Variants in ABLIM2 observed in about 807,000 individuals in gnomAD.
The protein encoded by ABLIM2 is actin binding LIM protein family member 2, also known as actin-binding LIM protein 2.
Under a neutral mutation model 97.7 loss-of-function variants are expected in ABLIM2, and 53 were observed. The observed-to-expected ratio is 0.54, with a 90% CI of 0.44 to 0.68. The LOEUF is 0.68. Among genes scored for constraint, ABLIM2 ranks in the 30% least tolerant of loss-of-function variants. The probability of loss-of-function intolerance (pLI) is 0.00; values close to 1 mark genes in which losing one functional copy is unlikely to be tolerated. For missense variants in ABLIM2, 835 were observed against 867.2 expected, an observed-to-expected ratio of 0.96 and a Z score of 0.47; for synonymous variants, 361 against 345.8, an observed-to-expected ratio of 1.04 and a Z score of -0.49.
At chr4:7,991,620 T>A (rs1026003703) in intron 17 of ABLIM2, among the ~76,000 whole-genome samples, 3 of 152,178 alleles carry the variant, frequency 2.0e-5, no homozygotes, top group African/African-American at 7.2e-5. Context: ...AATGGAGAAT[T>A]CCCTTGGAGA....
intron 17 of ABLIM2, 81 bp from the exon 18 acceptor site, chr4:7,984,974 C>CTCCAAGGGGCCACAT: frequency 6.8e-7 from 1 of 1,465,006 alleles, no homozygotes; most frequent in Non-Finnish European, 9.3e-7. Flanking sequence ...GAGATGTGGC[C>CTCCAAGGGGCCACAT]CCTTGGAGGC....
Position 8,085,449 on chromosome 4 carries a change from C to A in ABLIM2, c.454+2720G>T, listed in dbSNP as rs1822831700. ...CAGTGCCATTCCCATTCCCCGCCCC[C>A]ACGCTGCAGCCCCGTCCACTCACAC... On this transcript the variant is annotated intron_variant, in intron 4 of 20. Coordinates refer to ENST00000447017, the MANE Select transcript of ABLIM2 (RefSeq NM_001130083.2). The surrounding 1 kb of genome is among the most constrained non-coding windows in gnomAD (Gnocchi z 6.1). 6.6e-6 allele frequency among the ~76,000 whole-genome samples: 1 copy of A among 152,172 alleles called. No homozygotes were observed. Among genetic ancestry groups the A allele is most frequent in the Non-Finnish European group, 1.5e-5 (1 of 68,040 alleles).
Position 8,020,191 on chromosome 4 carries a change from C to T in ABLIM2, c.1369+11G>A. 1 of 1,610,656 alleles carries T rather than the reference C, an allele frequency of 6.2e-7. No homozygotes were observed. Among genetic ancestry groups the T allele is most frequent in the Non-Finnish European group, 8.5e-7 (1 of 1,178,196 alleles). ...GTGTAAGGAGCCCAGCCAGCGTGTC[C>T]CGGAGCCTACCTGGGACGTGGAAGT... On this transcript the variant is annotated intron_variant, in intron 13 of 20. Coordinates refer to ENST00000447017, the MANE Select transcript of ABLIM2 (RefSeq NM_001130083.2).
chr4:8,088,982 C>T (rs1825587703), intron 3 of ABLIM2, among the ~76,000 whole-genome samples: 1 of 152,234 alleles, frequency 6.6e-6, no homozygotes, highest in Admixed American at 6.5e-5. Flanking sequence ...CAGGAAGATG[C>T]TGGACAATCG....
Position 8,147,673 on chromosome 4 carries a change from C to T in ABLIM2, c.10+11007G>A, listed in dbSNP as rs537126607. Reference sequence around the variant, plus strand: ...CACAAACCTCAGAATCTGGCAGCCACCAAAGCTGCAGGGGTGAGGACTGAG... The same window carrying T: ...CACAAACCTCAGAATCTGGCAGCCATCAAAGCTGCAGGGGTGAGGACTGAG... On this transcript the variant is annotated intron_variant, in intron 1 of 20. Coordinates refer to ENST00000447017, the MANE Select transcript of ABLIM2 (RefSeq NM_001130083.2). This position sits in a 1 kb window ranked among gnomAD's most constrained non-coding sequence, Gnocchi z 5.3. 2.6e-5 allele frequency among the ~76,000 whole-genome samples: 4 copies of T among 152,338 alleles called. No homozygotes were observed. In the South Asian group the frequency reaches 8.3e-4, roughly 32 times the overall value.
In ABLIM2 at chr4:8,157,619, C is replaced by T. The variant is rs557320149; in HGVS notation, c.10+1061G>A. Among the ~76,000 whole-genome samples, 4 of 152,360 alleles carry T rather than the reference C, an allele frequency of 2.6e-5. No homozygotes were observed. The East Asian group carries it at 5.8e-4, about 22-fold the overall frequency. ...TTCTAGGCCTACAGCCCACAGGAAG[C>T]TCTTACTAAATTCACATTCTCTCCC... On this transcript the variant is annotated intron_variant, in intron 1 of 20. Transcript: ENST00000447017.
At chr4:7,989,385 G>T (rs1262526579) in intron 17 of ABLIM2, 2 of 984,750 alleles carry the variant, frequency 2.0e-6, no homozygotes, top group Non-Finnish European at 1.2e-6. Flanking sequence ...GGCCCCATTT[G>T]TTTTATTTCA....
chr4:8,008,263 C>T (rs1191579543), intron 15 of ABLIM2, 63 bp from the exon 16 acceptor site: 10 of 1,506,116 alleles, frequency 6.6e-6, no homozygotes, highest in Non-Finnish European at 8.2e-6. Flanking sequence ...GAACATCTCA[C>T]TGGACCCTTC....
intron 2 of ABLIM2, among the ~76,000 whole-genome samples, chr4:8,104,125 C>T (rs1836016720): frequency 6.6e-6 from 1 of 152,314 alleles, no homozygotes; most frequent in East Asian, 1.9e-4. Context: ...GCTGACACGC[C>T]CCCTTTGCTT....
chr4:8,100,749 G>GAA (rs57318831), intron 2 of ABLIM2, among the ~76,000 whole-genome samples: 26 of 100,184 alleles, frequency 2.6e-4, no homozygotes, highest in African/African-American at 4.0e-4. Context: ...TCCATCTCAG[G>GAA]AAAAAAAAAA....
intron 8 of ABLIM2, among the ~76,000 whole-genome samples, chr4:8,049,720 A>G (rs111883825): frequency 0.013 from 1,909 of 152,174 alleles, 28 homozygotes; most frequent in African/African-American, 0.035. Flanking sequence ...CCAACTGCCA[A>G]TCAGAACATT....
At position 8,017,991 on chromosome 4, in the gene ABLIM2, C is replaced by CAA. The variant is rs57785994; in HGVS notation, c.1423+1625_1423+1626dup. On this transcript the variant is annotated intron_variant, in intron 14 of 20. Coordinates refer to ENST00000447017, the MANE Select transcript of ABLIM2 (RefSeq NM_001130083.2). ...CTGGTGACAGAGCGAGACTCCGTCT[C>CAA]AAAAAAAAAAAAAAAAGCACAAAGA... Among the ~76,000 whole-genome samples the CAA allele has an allele frequency of 8.1e-4, 66 of 81,016 alleles. No homozygotes were observed. In the East Asian group the frequency reaches 0.021, roughly 26 times the overall value. 53.1% of individuals were successfully genotyped at this position (81,016 alleles called of 152,430 possible).
At chr4:8,055,698 C>T (rs1428428847) in intron 7 of ABLIM2, among the ~76,000 whole-genome samples, 4 of 152,174 alleles carry the variant, frequency 2.6e-5, no homozygotes, top group African/African-American at 9.7e-5. Flanking sequence ...GATTTCATGG[C>T]GGCTCGTTTC....
intron 8 of ABLIM2, among the ~76,000 whole-genome samples, chr4:8,053,434 C>T (rs1004891189): frequency 4.6e-5 from 7 of 152,232 alleles, no homozygotes; most frequent in East Asian, 1.9e-4. Context: ...GGCTGTGTCA[C>T]GGGTGCACAT....
intron 20 of ABLIM2, among the ~76,000 whole-genome samples, chr4:7,972,085 G>A (rs1728540188): frequency 6.6e-6 from 1 of 152,194 alleles, no homozygotes; most frequent in Non-Finnish European, 1.5e-5. Context: ...GGTCCCTGCA[G>A]GACCTACAGT....
Position 8,032,734 on chromosome 4 carries a change from A to T in ABLIM2, c.1048-2958T>A. 6.3e-7 allele frequency: 1 copy of T among 1,590,810 alleles called. No homozygotes were observed. Among genetic ancestry groups the T allele is most frequent in the South Asian group, 1.1e-5 (1 of 90,736 alleles). ...TAGTGCTGGCGCCAGGCAGAGAGGG[A>T]GGAGGGCAGTTCCGTGACTGGCAGG... On this transcript the variant is annotated intron_variant, in intron 10 of 20. Coordinates refer to ENST00000447017, the MANE Select transcript of ABLIM2 (RefSeq NM_001130083.2). This position sits in a 1 kb window ranked among gnomAD's most constrained non-coding sequence, Gnocchi z 4.3.
intron 7 of ABLIM2, among the ~76,000 whole-genome samples, chr4:8,055,894 C>T (rs977812910): frequency 6.6e-6 from 1 of 152,042 alleles, no homozygotes; most frequent in African/African-American, 2.4e-5. Context: ...GGGTGGATCA[C>T]TCGAGGTCAG....
intron 16 of ABLIM2, 178 bp downstream of exon 16, chr4:8,007,881 C>A: frequency 7.1e-7 from 1 of 1,407,938 alleles, no homozygotes; most frequent in East Asian, 2.5e-5. Context: ...CTTGGGAAGC[C>A]GGCAAACTGC....
rs1790040874 is a variant in ABLIM2 at position 8,043,411 on chromosome 4, G to C, written c.900+1753C>G. Among the ~76,000 whole-genome samples, 1 of 152,104 alleles carries C rather than the reference G, an allele frequency of 6.6e-6. No homozygotes were observed. Among genetic ancestry groups the C allele is most frequent in the Admixed American group, 6.5e-5 (1 of 15,282 alleles). ...TTCATGAGGATGATGATGGTATTAT[G>C]GACTGAACTGTGTCTCCCCGAATTC... is the stretch of plus-strand genomic sequence containing the variant. On this transcript the variant is annotated intron_variant, in intron 9 of 20. Transcript: ENST00000447017. This position sits in a 1 kb window ranked among gnomAD's most constrained non-coding sequence, Gnocchi z 4.8.
Sources: allele counts gnomAD v4.1 joint callset (sites outside exome capture counted in the v4.1 genomes callset), GRCh38; gene constraint gnomAD v4.1.1; non-coding constraint Gnocchi (gnomAD v3.1); transcripts MANE v1.5; gene names NCBI Gene and HGNC (gene_info 2026-07-23, HGNC 2026-07-21).